Variants in ADGRA3 observed in about 807,000 individuals in gnomAD.
ADGRA3 encodes G-protein coupled receptor 125.
Under a neutral mutation model 119.8 loss-of-function variants are expected in ADGRA3, and 56 were observed. The observed-to-expected ratio is 0.47, with a 90% CI of 0.38 to 0.58. The LOEUF is 0.58. Ranked by LOEUF, ADGRA3 falls within the 20% of genes least tolerant of loss-of-function variation. The probability of loss-of-function intolerance (pLI) is 0.00; values close to 1 mark genes in which losing one functional copy is unlikely to be tolerated. For synonymous variants in ADGRA3, 607 were observed against 623.8 expected, an observed-to-expected ratio of 0.97 and a Z score of 0.40; for missense variants, 1,516 against 1,649.0, an observed-to-expected ratio of 0.92 and a Z score of 1.40.
At chr4:22,401,706 CAT>C (rs3830187) in intron 15 of ADGRA3, 152 bp from the exon 16 acceptor site, 305,402 of 493,254 alleles carry the variant, frequency 0.62, 81,760 homozygotes, top group Non-Finnish European at 0.65. Context: ...CACACACACA[CAT>C]ACACACACGC....
rs2306136 is a variant in ADGRA3, at chr4:22,402,108, G to C, written c.2358-554C>G. Among the ~76,000 whole-genome samples, 263 of 152,184 alleles carry C rather than the reference G, an allele frequency of 1.7e-3. 7 individuals carry two copies. The East Asian group carries it at 0.045, about 26-fold the overall frequency. Reference sequence around the variant, plus strand: ...AGCTTAAACAGGAAGACACATTCTAGCAAAACGTTTTGTAAAGCGAATTTC... The same window carrying C: ...AGCTTAAACAGGAAGACACATTCTACCAAAACGTTTTGTAAAGCGAATTTC... On this transcript the variant is annotated intron_variant, in intron 15 of 18. Coordinates refer to ENST00000334304, the MANE Select transcript of ADGRA3 (RefSeq NM_145290.4).
intron 3 of ADGRA3, chr4:22,455,780 G>A (rs1382110618): frequency 7.0e-6 from 9 of 1,277,148 alleles, no homozygotes; most frequent in Non-Finnish European, 8.2e-6. Flanking sequence ...TATGTTGGGA[G>A]ATAACCACTG....
At chr4:22,411,388 C>T (rs977272660) in intron 14 of ADGRA3, among the ~76,000 whole-genome samples, 3 of 152,002 alleles carry the variant, frequency 2.0e-5, no homozygotes, top group African/African-American at 7.2e-5. Context: ...CACTTGAGTC[C>T]AGGAGATCAA....
intron 11 of ADGRA3, among the ~76,000 whole-genome samples, chr4:22,423,118 A>T (rs1367981103): frequency 2.0e-5 from 3 of 151,900 alleles, no homozygotes; most frequent in African/African-American, 7.3e-5. Flanking sequence ...CTGCTTGAAC[A>T]CGGGTGGCGG....
intron 1 of ADGRA3, among the ~76,000 whole-genome samples, chr4:22,501,918 T>C (rs1197157850): frequency 1.6e-5 from 1 of 63,088 alleles, no homozygotes; most frequent in Non-Finnish European, 2.9e-5. Flanking sequence ...AGAACTCGAA[T>C]GTGTAATTTT....
intron 10 of ADGRA3, among the ~76,000 whole-genome samples, chr4:22,433,117 C>T (rs1192270829): frequency 1.3e-5 from 2 of 152,148 alleles, no homozygotes; most frequent in African/African-American, 4.8e-5. Flanking sequence ...AATATTATCA[C>T]ATTTATATCT....
At chr4:22,416,208 G>A (rs1715424362) in intron 12 of ADGRA3, among the ~76,000 whole-genome samples, 1 of 152,128 alleles carries the variant, frequency 6.6e-6, no homozygotes, top group South Asian at 2.1e-4. Context: ...TGGCCCGAGG[G>A]TGGCAAGCAC....
chr4:22,438,440 A>G lies in ADGRA3; in HGVS notation c.921-20T>C. 6.3e-7 allele frequency: 1 copy of G among 1,596,006 alleles called. No individual in the cohort carries two copies. The highest frequency in any genetic ancestry group is 8.6e-7 in the Non-Finnish European group (1 of 1,169,278). On this transcript the variant is annotated intron_variant, in intron 7 of 18. Coordinates refer to ENST00000334304, the MANE Select transcript of ADGRA3 (RefSeq NM_145290.4). ...AGGGCACTGCATAAAGAAAGATTTT[A>G]AAAAGAGAGAAAATATAATTAGGCA...
intron 2 of ADGRA3, among the ~76,000 whole-genome samples, chr4:22,471,966 AG>A (rs1426068941): frequency 6.6e-6 from 1 of 152,186 alleles, no homozygotes; most frequent in African/African-American, 2.4e-5. Flanking sequence ...AGATGCAAAA[AG>A]GGTAGTAATT....
chr4:22,433,736 C>A (rs1249855242), intron 10 of ADGRA3, among the ~76,000 whole-genome samples: 1 of 152,178 alleles, frequency 6.6e-6, no homozygotes, highest in East Asian at 1.9e-4. Flanking sequence ...CTAGAAACAT[C>A]CCACTCCCGG....
intron 14 of ADGRA3, among the ~76,000 whole-genome samples, chr4:22,407,236 C>A (rs1440621283): frequency 6.6e-6 from 1 of 152,016 alleles, no homozygotes; most frequent in Admixed American, 6.6e-5. Flanking sequence ...AAGCCACTGC[C>A]CTCCAGCCTG....
At chr4:22,488,977 T>C (rs1037693623) in intron 1 of ADGRA3, among the ~76,000 whole-genome samples, 1 of 152,170 alleles carries the variant, frequency 6.6e-6, no homozygotes. Context: ...GGAGATATTA[T>C]TTAACAGGCA....
At chr4:22,465,784 C>A (rs1006587573) in intron 2 of ADGRA3, among the ~76,000 whole-genome samples, 3 of 152,102 alleles carry the variant, frequency 2.0e-5, no homozygotes, top group Admixed American at 1.3e-4. Context: ...ACTAAAGGAA[C>A]CAAGTAAATT....
At chr4:22,411,975 A>G (rs1320807028) in intron 14 of ADGRA3, among the ~76,000 whole-genome samples, 1 of 152,112 alleles carries the variant, frequency 6.6e-6, no homozygotes, top group Non-Finnish European at 1.5e-5. Context: ...AAAACATACA[A>G]GAGTCAAAGA....
intron 2 of ADGRA3, among the ~76,000 whole-genome samples, chr4:22,463,364 T>G (rs969097817): frequency 6.6e-6 from 1 of 152,226 alleles, no homozygotes; most frequent in African/African-American, 2.4e-5. Context: ...AAGTAGACCC[T>G]GGACCACTGG....
At chr4:22,415,107 C>A (rs1032589262) in intron 12 of ADGRA3, among the ~76,000 whole-genome samples, 3 of 152,062 alleles carry the variant, frequency 2.0e-5, no homozygotes, top group African/African-American at 7.2e-5. Context: ...TCACTGTCTG[C>A]TCCTCAAGCC....
intron 14 of ADGRA3, among the ~76,000 whole-genome samples, chr4:22,407,856 T>G (rs1293522527): frequency 6.6e-6 from 1 of 152,188 alleles, no homozygotes; most frequent in African/African-American, 2.4e-5. Context: ...TTTTCCATAA[T>G]TATCACTGTA....
At chr4:22,414,092 A>G (rs1715334266) in intron 12 of ADGRA3, 1 of 300,604 alleles carries the variant, frequency 3.3e-6, no homozygotes, top group South Asian at 5.6e-5. Context: ...TTTTCCCATG[A>G]TATTATATGT....
At chr4:22,420,520 G>T in intron 12 of ADGRA3, 1 of 287,560 alleles carries the variant, frequency 3.5e-6, no homozygotes, top group Non-Finnish European at 6.4e-6. Flanking sequence ...ACTTTTAGGG[G>T]CCCATGAAAA....
Sources: allele counts gnomAD v4.1 joint callset (sites outside exome capture counted in the v4.1 genomes callset), GRCh38; gene constraint gnomAD v4.1.1; transcripts MANE v1.5; gene names NCBI Gene and HGNC (gene_info 2026-07-23, HGNC 2026-07-21).